Variants in RAPGEF6 observed in about 807,000 individuals in gnomAD.
RAPGEF6 encodes the protein PDZ domain containing guanine nucleotide exchange factor (GEF) 2.
In RAPGEF6, 56 loss-of-function variants were observed where a neutral mutation model predicts 171.4. That is an observed-to-expected ratio of 0.33 (90% CI 0.26 to 0.41). The LOEUF (loss-of-function observed/expected upper bound fraction) is 0.41. Ranked by LOEUF, RAPGEF6 falls within the 10% of genes least tolerant of loss-of-function variation. The pLI, the probability that RAPGEF6 is intolerant of heterozygous loss-of-function variation, is 1.00. For synonymous variants in RAPGEF6, 692 were observed against 650.1 expected (o/e 1.06, Z -0.98); for missense variants, 1,674 against 1,921.4 (o/e 0.87, Z 2.41).
chr5:131,622,498 T>C (rs1314935808), intron 1 of RAPGEF6, among the ~76,000 whole-genome samples: 1 of 152,250 alleles, frequency 6.6e-6, no homozygotes, highest in Non-Finnish European at 1.5e-5. Context: ...TTTATTAAAA[T>C]AGTGGAGAAT....
chr5:131,431,283 C>T lies in RAPGEF6; in HGVS notation c.4041G>A (p.Glu1347=), dbSNP rs772065735. ...CTATAATGATATGCTCTTGAGAAAT[C>T]TCTTCATTGCTCACAGACGATGAGA... ...LAVSSSVSNE[E]ISQEHIIIEA... Residue 1347 remains glutamate, a synonymous_variant, in exon 26 of 28, where the codon GAG becomes GAA. Transcript: ENST00000509018. 2.2e-5 allele frequency: 36 copies of T among 1,613,932 alleles called. 1 individual carries two copies. The highest frequency in any genetic ancestry group is 3.1e-5 in the Non-Finnish European group (36 of 1,179,870).
chr5:131,440,719 C>T (rs1023289318), intron 23 of RAPGEF6, among the ~76,000 whole-genome samples: 1 of 114,050 alleles, frequency 8.8e-6, no homozygotes, highest in African/African-American at 3.6e-5. Flanking sequence ...GCCTGGGCGA[C>T]AGAGGGAGAC....
intron 22 of RAPGEF6, among the ~76,000 whole-genome samples, chr5:131,445,488 A>ACT (rs796983541): frequency 1.0e-4 from 9 of 86,116 alleles, no homozygotes; most frequent in African/African-American, 2.3e-4. Flanking sequence ...AATTTAACTC[A>ACT]CTCTCTGTGT....
At chr5:131,454,906 A>G (rs1228363730) in intron 20 of RAPGEF6, among the ~76,000 whole-genome samples, 2 of 152,234 alleles carry the variant, frequency 1.3e-5, no homozygotes, top group South Asian at 2.1e-4. Flanking sequence ...TCTCAACATT[A>G]ACAGTGGAAG....
Position 131,504,622 on chromosome 5 carries a change from C to T in RAPGEF6, c.1254+4G>A. On this transcript the variant is annotated splice_donor_region_variant and intron_variant, in intron 11 of 27. Coordinates refer to ENST00000509018, the MANE Select transcript of RAPGEF6 (RefSeq NM_016340.6). Reference sequence around the variant, plus strand: ...TGACTAGAAAAATAAGTAAAAACACCCACCTTGATCACAATGTGTCCTTTC... The same window carrying T: ...TGACTAGAAAAATAAGTAAAAACACTCACCTTGATCACAATGTGTCCTTTC... 1 of 1,577,072 alleles carries T rather than the reference C, an allele frequency of 6.3e-7. No homozygotes were observed.
Position 131,567,080 on chromosome 5 carries a change from G to A in RAPGEF6, c.282-5033C>T, listed in dbSNP as rs1190526278. ...TTGCACTCCAGCCTGGGCGACAAGAGCAAAACTCTTGTCTCAAAAAAAAAA... is the reference window on the plus strand; with the variant it reads ...TTGCACTCCAGCCTGGGCGACAAGAACAAAACTCTTGTCTCAAAAAAAAAA... On this transcript the variant is annotated intron_variant, in intron 4 of 27. Coordinates refer to ENST00000509018, the MANE Select transcript of RAPGEF6 (RefSeq NM_016340.6). Among the ~76,000 whole-genome samples the A allele has an allele frequency of 2.2e-5, 3 of 136,932 alleles. No individual in the cohort carries two copies. In the East Asian group the frequency reaches 6.2e-4, roughly 28 times the overall value. 89.8% of individuals were successfully genotyped at this position (136,932 alleles called of 152,430 possible).
intron 6 of RAPGEF6, among the ~76,000 whole-genome samples, chr5:131,543,309 C>T (rs1193933947): frequency 6.6e-6 from 1 of 152,074 alleles, no homozygotes; most frequent in East Asian, 1.9e-4. Flanking sequence ...ATCAAATAAA[C>T]TGATTAAGTA....
At chr5:131,520,039 T>C (rs898573400) in intron 7 of RAPGEF6, among the ~76,000 whole-genome samples, 24 of 152,194 alleles carry the variant, frequency 1.6e-4, no homozygotes, top group Admixed American at 3.9e-4. Context: ...CAGGGAGATA[T>C]AGATGACCAC....
intron 6 of RAPGEF6, among the ~76,000 whole-genome samples, chr5:131,535,929 C>A (rs976365381): frequency 1.3e-5 from 2 of 151,998 alleles, no homozygotes; most frequent in African/African-American, 4.8e-5. Flanking sequence ...ACATTCTAGG[C>A]ATTATGAAAA....
chr5:131,515,900 TAA>T (rs1758039456), intron 7 of RAPGEF6, among the ~76,000 whole-genome samples: 1 of 152,028 alleles, frequency 6.6e-6, no homozygotes, highest in Non-Finnish European at 1.5e-5. Context: ...AATTTAAAAT[TAA>T]GAGTGTAATT....
intron 17 of RAPGEF6, 173 bp from the exon 18 acceptor site, chr5:131,464,454 T>A (rs1258170580): frequency 3.6e-6 from 2 of 558,526 alleles, no homozygotes; most frequent in East Asian, 6.5e-5. Flanking sequence ...CTTTTTTTTT[T>A]TTCAGATAAC....
chr5:131,492,829 C>T (rs767202762), intron 13 of RAPGEF6, 44 bp from the exon 14 acceptor site: 1 of 1,535,614 alleles, frequency 6.5e-7, no homozygotes, highest in African/African-American at 1.4e-5. Flanking sequence ...GTATCTATTC[C>T]TATAGGTTTT....
Position 131,521,291 on chromosome 5 carries a change from C to T in RAPGEF6, c.627+99G>A, listed in dbSNP as rs916002529. The T allele has an allele frequency of 1.9e-5, 24 of 1,248,672 alleles. No individual in the cohort carries two copies. In the African/African-American group the frequency reaches 3.4e-4, roughly 18 times the overall value. The allele number at this position is 1,248,672 out of a possible 1,614,324, so 77.3% of individuals were successfully genotyped here. A position where few individuals can be genotyped will look rare whatever the true frequency, so the allele number is the denominator to read the frequency against. The stretch of plus-strand genomic sequence containing the variant: ...TTCTAAAGACCTTACGCTTGAATTT[C>T]ATACTCTAAAAGATATGTTAACCAT... On this transcript the variant is annotated intron_variant, in intron 7 of 27. Coordinates refer to ENST00000509018, the MANE Select transcript of RAPGEF6 (RefSeq NM_016340.6).
Position 131,564,068 on chromosome 5 carries a change from G to C in RAPGEF6, c.282-2021C>G, listed in dbSNP as rs375564145. 4.6e-5 allele frequency among the ~76,000 whole-genome samples: 7 copies of C among 152,268 alleles called. No homozygotes were observed. In the East Asian group the frequency reaches 9.7e-4, roughly 21 times the overall value. ...GAAACAAAAAACTAAGATGACTCTTGCAATACACCATTTTACCACCTACAG... is the reference window on the plus strand; with the variant it reads ...GAAACAAAAAACTAAGATGACTCTTCCAATACACCATTTTACCACCTACAG... On this transcript the variant is annotated intron_variant, in intron 4 of 27. Transcript: ENST00000509018.
intron 1 of RAPGEF6, among the ~76,000 whole-genome samples, chr5:131,610,102 A>G (rs1764851669): frequency 6.6e-6 from 1 of 152,252 alleles, no homozygotes; most frequent in African/African-American, 2.4e-5. Context: ...ATATGAAGAT[A>G]CATCAAACCA....
chr5:131,469,749 A>G, intron 17 of RAPGEF6: 1 of 1,330,536 alleles, frequency 7.5e-7, no homozygotes, highest in Non-Finnish European at 1.0e-6. Flanking sequence ...AAATAACAAA[A>G]TAATACATAC....
intron 8 of RAPGEF6, among the ~76,000 whole-genome samples, chr5:131,509,557 G>C (rs1328657358): frequency 2.6e-5 from 4 of 150,986 alleles, no homozygotes; most frequent in Non-Finnish European, 4.4e-5. Context: ...AAAAAAATAA[G>C]AGTACACACA....
chr5:131,631,920 C>CA (rs1766331541), intron 1 of RAPGEF6, among the ~76,000 whole-genome samples: 1 of 151,846 alleles, frequency 6.6e-6, no homozygotes, highest in South Asian at 2.1e-4. Flanking sequence ...ACTAAAAACA[C>CA]AAAAAATTAG....
chr5:131,631,936 C>T (rs573988232), intron 1 of RAPGEF6, among the ~76,000 whole-genome samples: 10 of 151,990 alleles, frequency 6.6e-5, no homozygotes, highest in South Asian at 2.1e-4. Context: ...ATTAGCCGGG[C>T]GTGTTGGCAC....
Sources: allele counts gnomAD v4.1 joint callset (sites outside exome capture counted in the v4.1 genomes callset), GRCh38; gene constraint gnomAD v4.1.1; transcripts MANE v1.5; gene names NCBI Gene and HGNC (gene_info 2026-07-23, HGNC 2026-07-21).